SCRT2: variants seen among roughly 807,000 people sequenced by gnomAD.
SCRT2 encodes the protein transcriptional repressor scratch 2.
In SCRT2, 2 loss-of-function variants were observed where a neutral mutation model predicts 3.7. The ratio of observed to expected loss-of-function variants is 0.54; its 90% CI spans 0.22 to 1.70. The LOEUF is 1.70. Ranked by LOEUF, SCRT2 falls within the 40% of genes most tolerant of loss-of-function variation. The pLI is 0.19. For synonymous variants in SCRT2, 256 were observed against 220.6 expected, an observed-to-expected ratio of 1.16 and a Z score of -1.42; for missense variants, 456 against 468.5, an observed-to-expected ratio of 0.97 and a Z score of 0.25.
Position 675,623 on chromosome 20 carries a change from G to T in SCRT2, c.-22C>A, listed in dbSNP as rs771060306. 4.7e-6 allele frequency: 6 copies of T among 1,267,864 alleles called. No homozygotes were observed. Among genetic ancestry groups the T allele is most frequent in the South Asian group, 3.2e-5 (1 of 31,252 alleles). 78.5% of individuals were successfully genotyped at this position (1,267,864 alleles called of 1,614,324 possible). Reference sequence around the variant, plus strand: ...GCATGGCGCGGCCGGCGCGGGGCTCGGTGCGGGGAGGCGGCCGGCCGGGCG... The same window carrying T: ...GCATGGCGCGGCCGGCGCGGGGCTCTGTGCGGGGAGGCGGCCGGCCGGGCG... On this transcript the variant is annotated 5_prime_UTR_variant, in exon 1 of 2. Transcript: ENST00000246104. This position sits in a 1 kb window ranked among gnomAD's most constrained non-coding sequence, Gnocchi z 6.9.
In SCRT2 at chr20:663,836, G is replaced by A. The variant is rs1432721859; in HGVS notation, c.759C>T (p.Ser253=). 1 of 1,597,926 alleles carries A rather than the reference G, an allele frequency of 6.3e-7. No homozygotes were observed. Among genetic ancestry groups the A allele is most frequent in the Non-Finnish European group, 8.5e-7 (1 of 1,174,568 alleles). Residue 253 remains serine (S), a synonymous_variant, in exon 2 of 2, where the codon TCC becomes TCT. Transcript: ENST00000246104. This position sits in a 1 kb window ranked among gnomAD's most constrained non-coding sequence, Gnocchi z 6.9. ...AHCGKAFADR[S]NLRAHMQTHS... is the part of the protein sequence containing the mutation. The stretch of plus-strand genomic sequence containing the variant: ...GCGTCTGCATGTGCGCGCGCAGGTT[G>A]GAGCGGTCGGCGAAGGCCTTGCCGC...
rs1253248439 is a variant in SCRT2 at position 675,479 on chromosome 20, G to T, written c.123C>A (p.Pro41=). 2 of 1,347,900 alleles carry T rather than the reference G, an allele frequency of 1.5e-6. No individual in the cohort carries two copies. Among genetic ancestry groups the T allele is most frequent in the Non-Finnish European group, 1.9e-6 (2 of 1,044,920 alleles). 83.5% of individuals were successfully genotyped at this position (1,347,900 alleles called of 1,614,324 possible). ...AYVLPGARGP[P]GDNGYAPHRL... Reference sequence around the variant, plus strand: ...CCGGGTCCCACTCACCGTTGTCCCCGGGAGGCCCCCGGGCGCCAGGCAGCA... The same window carrying T: ...CCGGGTCCCACTCACCGTTGTCCCCTGGAGGCCCCCGGGCGCCAGGCAGCA... The change falls in exon 1 of 2, where the codon CCC becomes CCA. Residue 41 remains proline (P), a synonymous_variant. Coordinates refer to ENST00000246104, the MANE Select transcript of SCRT2 (RefSeq NM_033129.4). The surrounding 1 kb of genome is among the most constrained non-coding windows in gnomAD (Gnocchi z 6.9).
rs1984490605 is a variant in SCRT2, at chr20:675,260, G to T, written c.133+209C>A. ...CCCGGCTGGCGCGTGGCTGCGGGAT[G>T]GGCCGACCCCGCGACTTTCCCTTTG... is the stretch of plus-strand genomic sequence containing the variant. On this transcript the variant is annotated intron_variant, in intron 1 of 1. Coordinates refer to ENST00000246104, the MANE Select transcript of SCRT2 (RefSeq NM_033129.4). The surrounding 1 kb of genome is among the most constrained non-coding windows in gnomAD (Gnocchi z 6.9). 6.6e-6 allele frequency among the ~76,000 whole-genome samples: 1 copy of T among 152,106 alleles called. No individual in the cohort carries two copies. The highest frequency in any genetic ancestry group is 1.5e-5 in the Non-Finnish European group (1 of 67,978).
In SCRT2 at chr20:663,196, T is replaced by G; in HGVS notation, c.*475A>C. 2 of 156,654 alleles carry G rather than the reference T, an allele frequency of 1.3e-5. No homozygotes were observed. The highest frequency in any genetic ancestry group is 1.4e-5 in the Non-Finnish European group (1 of 71,538). 9.7% of individuals were successfully genotyped at this position (156,654 alleles called of 1,614,324 possible). On this transcript the variant is annotated 3_prime_UTR_variant, in exon 2 of 2. Coordinates refer to ENST00000246104, the MANE Select transcript of SCRT2 (RefSeq NM_033129.4). The surrounding 1 kb of genome is among the most constrained non-coding windows in gnomAD (Gnocchi z 6.9). ...CAGGGCGGCAGGGCCTGCGTCCAGG[T>G]GTGGATGGGGAAACTGAGGCAGGTA...
At position 664,315 on chromosome 20, in the gene SCRT2, G is replaced by T; in HGVS notation, c.280C>A (p.Arg94Ser). ...PESPQSSLSA[R>S]YFRGEAAVTD... ...ACTGCCGCCTCCCCTCGGAAGTAGC[G>T]CGCCGACAGGCTCGACTGCGGGCTT... The change falls in exon 2 of 2, where the codon CGC becomes AGC. Residue 94 changes from arginine to serine, a missense_variant. Transcript: ENST00000246104. The surrounding 1 kb of genome is among the most constrained non-coding windows in gnomAD (Gnocchi z 7.9). 1 of 1,504,116 alleles carries T rather than the reference G, an allele frequency of 6.6e-7. No homozygotes were observed. The allele number at this position is 1,504,116 out of a possible 1,614,324, so 93.2% of individuals were successfully genotyped here. A position where few individuals can be genotyped will look rare whatever the true frequency, so the allele number is the denominator to read the frequency against.
Position 663,886 on chromosome 20 carries a change from C to T in SCRT2, c.709G>A (p.Glu237Lys). Reference protein sequence around the residue: ...LQGHMRSHTGEKPFGCAHCGK... With the variant: ...LQGHMRSHTGKKPFGCAHCGK... ...CAGTGCGCGCAGCCGAACGGCTTTT[C>T]GCCGGTGTGCGAGCGCATGTGACCC... Residue 237 changes from glutamate to lysine, a missense_variant, in exon 2 of 2, where the codon GAA (glutamate) becomes AAA (lysine). Glu to Lys is a moderately conservative substitution (Grantham distance 56). This residue lies in a region of SCRT2 where 144 missense variants were observed against 141.9 expected (regional missense o/e 1.01). Coordinates refer to ENST00000246104, the MANE Select transcript of SCRT2 (RefSeq NM_033129.4). The surrounding 1 kb of genome is among the most constrained non-coding windows in gnomAD (Gnocchi z 6.9). 1 of 1,602,716 alleles carries T rather than the reference C, an allele frequency of 6.2e-7. No homozygotes were observed. The highest frequency in any genetic ancestry group is 1.1e-5 in the South Asian group (1 of 90,108).
At position 662,286 on chromosome 20, in the gene SCRT2, T is replaced by A. The variant is rs143737403; in HGVS notation, c.*1385A>T. 6.6e-6 allele frequency: 1 copy of A among 152,544 alleles called. No individual in the cohort carries two copies. The highest frequency in any genetic ancestry group is 2.4e-5 in the African/African-American group (1 of 41,340). The allele number at this position is 152,544 out of a possible 1,614,324, so 9.4% of individuals were successfully genotyped here. ...ACCTGGGGTCCCTCGGGAAGAAGAA[T>A]AAACAGGAAACAAATCGAAGAGGCT... On this transcript the variant is annotated 3_prime_UTR_variant, in exon 2 of 2. Transcript: ENST00000246104.
rs1984147689 is a variant in SCRT2 at position 666,157 on chromosome 20, G to A, written c.134-1696C>T. ...TATGGAAGTGGATGACTCGGAAGCGGGGGGCTCTGTGGTTGGATGTAAAGG... is the reference window on the plus strand; with the variant it reads ...TATGGAAGTGGATGACTCGGAAGCGAGGGGCTCTGTGGTTGGATGTAAAGG... On this transcript the variant is annotated intron_variant, in intron 1 of 1. Coordinates refer to ENST00000246104, the MANE Select transcript of SCRT2 (RefSeq NM_033129.4). The surrounding 1 kb of genome is among the most constrained non-coding windows in gnomAD (Gnocchi z 4.4). 6.6e-6 allele frequency among the ~76,000 whole-genome samples: 1 copy of A among 152,162 alleles called. No individual in the cohort carries two copies. The highest frequency in any genetic ancestry group is 6.5e-5 in the Admixed American group (1 of 15,280).
rs774990246 is a variant in SCRT2 at position 664,164 on chromosome 20, C to T, written c.431G>A (p.Arg144His). 4.6e-6 allele frequency: 5 copies of T among 1,076,092 alleles called. No homozygotes were observed. Among genetic ancestry groups the T allele is most frequent in the Non-Finnish European group, 5.6e-6 (5 of 889,288 alleles). The allele number at this position is 1,076,092 out of a possible 1,614,324, so 66.7% of individuals were successfully genotyped here. A position where few individuals can be genotyped will look rare whatever the true frequency, so the allele number is the denominator to read the frequency against. ...CCCGCCGCCCGCCTGCGCCCCCGCG[C>T]GCCCCGCGCGCCCCCCGGCGCCCCC... Reference protein sequence around the residue: ...DAGGAGGRAGRAGAQAGGGHR... With the variant: ...DAGGAGGRAGHAGAQAGGGHR... Residue 144 changes from arginine (R) to histidine (H), a missense_variant, in exon 2 of 2, where the codon CGC becomes CAC. Physicochemically the swap from Arg to His is conservative, Grantham distance 29. Around this residue, in one of 3 missense-constraint regions of SCRT2, gnomAD observed 306 missense variants for 305.3 expected, o/e 1.00. Coordinates refer to ENST00000246104, the MANE Select transcript of SCRT2 (RefSeq NM_033129.4). This position sits in a 1 kb window ranked among gnomAD's most constrained non-coding sequence, Gnocchi z 7.9.
In SCRT2 at chr20:675,244, C is replaced by A. The variant is rs1027419727; in HGVS notation, c.133+225G>T. On this transcript the variant is annotated intron_variant, in intron 1 of 1. Transcript: ENST00000246104. This position sits in a 1 kb window ranked among gnomAD's most constrained non-coding sequence, Gnocchi z 6.9. ...CCACAACTTTCAAAGTCCCGGCTGG[C>A]GCGTGGCTGCGGGATGGGCCGACCC... Among the ~76,000 whole-genome samples, 1 of 152,140 alleles carries A rather than the reference C, an allele frequency of 6.6e-6. No individual in the cohort carries two copies. The highest frequency in any genetic ancestry group is 6.5e-5 in the Admixed American group (1 of 15,282).
rs73894837 is a variant in SCRT2 at position 664,736 on chromosome 20, C to A, written c.134-275G>T. Among the ~76,000 whole-genome samples, 1,336 of 152,358 alleles carry A rather than the reference C, an allele frequency of 8.8e-3. 25 individuals are homozygous for A. The highest frequency in any genetic ancestry group is 0.03 in the African/African-American group (1,243 of 41,584). On this transcript the variant is annotated intron_variant, in intron 1 of 1. Coordinates refer to ENST00000246104, the MANE Select transcript of SCRT2 (RefSeq NM_033129.4). This position sits in a 1 kb window ranked among gnomAD's most constrained non-coding sequence, Gnocchi z 7.9. ...TACCTTCACTATCCAGTGCTCACAACCGCGGAGTGATGGTCTTATAATACC... is the reference window on the plus strand; with the variant it reads ...TACCTTCACTATCCAGTGCTCACAAACGCGGAGTGATGGTCTTATAATACC...
At position 664,431 on chromosome 20, in the gene SCRT2, C is replaced by G. The variant is rs771132894; in HGVS notation, c.164G>C (p.Ser55Thr). 6.9e-6 allele frequency: 9 copies of G among 1,311,218 alleles called. No individual in the cohort carries two copies. The South Asian group carries it at 1.7e-4, about 25-fold the overall frequency. The allele number at this position is 1,311,218 out of a possible 1,614,324, so 81.2% of individuals were successfully genotyped here. ...GYAPHRLPPS[S>T]YDADQKPGLE... Reference sequence around the variant, plus strand: ...GCCCGGCTTCTGGTCCGCATCGTAGCTGCTCGGGGGCAGGCGGTGCGGGGC... The same window carrying G: ...GCCCGGCTTCTGGTCCGCATCGTAGGTGCTCGGGGGCAGGCGGTGCGGGGC... Residue 55 changes from serine to threonine, a missense_variant, in exon 2 of 2, where the codon AGC becomes ACC. This residue lies in a region of SCRT2 where 306 missense variants were observed against 305.3 expected (regional missense o/e 1.00). Transcript: ENST00000246104. The surrounding 1 kb of genome is among the most constrained non-coding windows in gnomAD (Gnocchi z 7.9).
Position 665,569 on chromosome 20 carries a change from C to T in SCRT2, c.134-1108G>A, listed in dbSNP as rs1372330680. ...CAGGCTGGGGTCTCCCTGGGGATTC[C>T]GTAGGGGATTCTCATGGGCAGGGGC... On this transcript the variant is annotated intron_variant, in intron 1 of 1. Transcript: ENST00000246104. The surrounding 1 kb of genome is among the most constrained non-coding windows in gnomAD (Gnocchi z 5.0). 6.6e-6 allele frequency among the ~76,000 whole-genome samples: 1 copy of T among 152,080 alleles called. No individual in the cohort carries two copies. The highest frequency in any genetic ancestry group is 1.5e-5 in the Non-Finnish European group (1 of 68,002).
At chr20:669,515 T>A (rs1318891026) in intron 1 of SCRT2, among the ~76,000 whole-genome samples, 3 of 152,124 alleles carry the variant, frequency 2.0e-5, no homozygotes, top group Non-Finnish European at 4.4e-5. Context: ...CAGCCTCACC[T>A]CTCTGTCCTA....
At position 666,175 on chromosome 20, in the gene SCRT2, T is replaced by A. The variant is rs1353919302; in HGVS notation, c.134-1714A>T. 6.6e-6 allele frequency among the ~76,000 whole-genome samples: 1 copy of A among 152,016 alleles called. No homozygotes were observed. Among genetic ancestry groups the A allele is most frequent in the East Asian group, 1.9e-4 (1 of 5,172 alleles). On this transcript the variant is annotated intron_variant, in intron 1 of 1. Transcript: ENST00000246104. The surrounding 1 kb of genome is among the most constrained non-coding windows in gnomAD (Gnocchi z 4.4). ...GGAAGCGGGGGGCTCTGTGGTTGGA[T>A]GTAAAGGGGGATAGTGATAGTGGCA...
rs1984499503 is a variant in SCRT2 at position 675,448 on chromosome 20, C to T, written c.133+21G>A. The stretch of plus-strand genomic sequence containing the variant: ...CCTCGCCTCTTCTCCCAACCCCCCG[C>T]CCCCGCCGGGTCCCACTCACCGTTG... On this transcript the variant is annotated intron_variant, in intron 1 of 1. Transcript: ENST00000246104. The surrounding 1 kb of genome is among the most constrained non-coding windows in gnomAD (Gnocchi z 6.9). 10 of 1,302,656 alleles carry T rather than the reference C, an allele frequency of 7.7e-6. No homozygotes were observed. In the South Asian group the frequency reaches 1.7e-4, roughly 22 times the overall value. 80.7% of individuals were successfully genotyped at this position (1,302,656 alleles called of 1,614,324 possible).
chr20:661,817 C>T lies in SCRT2; in HGVS notation c.*1854G>A, dbSNP rs1434154394. On this transcript the variant is annotated 3_prime_UTR_variant, in exon 2 of 2. Coordinates refer to ENST00000246104, the MANE Select transcript of SCRT2 (RefSeq NM_033129.4). ...CGCCTCCATAATTGCTTCTGCTACC[C>T]CTCTCCCTCCCACCATCCCTGCAGC... 2 of 152,750 alleles carry T rather than the reference C, an allele frequency of 1.3e-5. No homozygotes were observed. The highest frequency in any genetic ancestry group is 2.9e-5 in the Non-Finnish European group (2 of 68,094). The allele number at this position is 152,750 out of a possible 1,614,324, so 9.5% of individuals were successfully genotyped here. A position where few individuals can be genotyped will look rare whatever the true frequency, so the allele number is the denominator to read the frequency against.
At chr20:670,996 A>G (rs4815881) in intron 1 of SCRT2, among the ~76,000 whole-genome samples, 74,394 of 152,074 alleles carry the variant, frequency 0.49, 18,869 homozygotes, top group African/African-American at 0.63. Context: ...AAAGGAAAAC[A>G]GAGGCTGGGA....
chr20:668,041 G>A (rs1984211199), intron 1 of SCRT2, among the ~76,000 whole-genome samples: 1 of 152,188 alleles, frequency 6.6e-6, no homozygotes, highest in Non-Finnish European at 1.5e-5. Context: ...CCTTGGGCAA[G>A]TTACTTAACA....
Sources: allele counts gnomAD v4.1 joint callset (sites outside exome capture counted in the v4.1 genomes callset), GRCh38; gene constraint gnomAD v4.1.1; regional missense constraint gnomAD v4.1.1; non-coding constraint Gnocchi (gnomAD v3.1); transcripts MANE v1.5; gene names NCBI Gene and HGNC (gene_info 2026-07-23, HGNC 2026-07-21).